The following EPC1 variants were observed in gnomAD, a reference collection of about 807,000 sequenced individuals.
EPC1 encodes enhancer of polycomb homolog 1.
A neutral mutation model predicts 98.4 loss-of-function variants in EPC1; 12 were observed. The ratio of observed to expected loss-of-function variants is 0.12; its 90% CI spans 0.08 to 0.20. The LOEUF is 0.20. EPC1 is among the 10% of genes least tolerant of loss of function. EPC1 has a pLI of 1.00. For synonymous variants in EPC1, 357 were observed against 363.9 expected, an observed-to-expected ratio of 0.98 and a Z score of 0.21; for missense variants, 729 against 990.5, an observed-to-expected ratio of 0.74 and a Z score of 3.54.
At chr10:32,282,202 C>G (rs937933178) in intron 10 of EPC1, 6 of 151,876 alleles carry the variant, frequency 4.0e-5, no homozygotes, top group African/African-American at 1.5e-4. Context: ...ATAATTAAGA[C>G]AACAGGAAAA....
intron 1 of EPC1, among the ~76,000 whole-genome samples, chr10:32,368,258 C>T (rs1839655729): frequency 1.3e-5 from 2 of 152,198 alleles, no homozygotes; most frequent in Non-Finnish European, 1.5e-5. Context: ...TTCTAGGTTC[C>T]CCAGCTTGGG....
intron 2 of EPC1, among the ~76,000 whole-genome samples, chr10:32,300,030 A>AG (rs9336622): frequency 0.9 from 136,129 of 151,972 alleles, 61,070 homozygotes; most frequent in East Asian, 1. Context: ...CTCCTGCCTC[A>AG]CCTCCTGAGT....
At chr10:32,355,607 CTTTTTTTTTTTTTTTTTTTTTTT>C (rs542748610) in intron 1 of EPC1, among the ~76,000 whole-genome samples, 4 of 72,846 alleles carry the variant, frequency 5.5e-5, no homozygotes, top group Non-Finnish European at 1.1e-4. Context: ...GTGCCTTACC[CTTTTTTTTTTTTTTTTTTTTTTT>C]TTTTTTTTTT....
intron 10 of EPC1, among the ~76,000 whole-genome samples, chr10:32,277,427 T>C (rs1436864273): frequency 6.6e-6 from 1 of 152,226 alleles, no homozygotes; most frequent in East Asian, 1.9e-4. Flanking sequence ...GTTCAATACA[T>C]AGACAAACTT....
chr10:32,297,279 A>C (rs912847050), intron 2 of EPC1, among the ~76,000 whole-genome samples: 2 of 122,278 alleles, frequency 1.6e-5, no homozygotes, highest in South Asian at 5.4e-4. Flanking sequence ...CAGGTTAATA[A>C]TTCTTTTTTT....
At chr10:32,305,312 C>G (rs1835811678) in intron 2 of EPC1, among the ~76,000 whole-genome samples, 1 of 152,212 alleles carries the variant, frequency 6.6e-6, no homozygotes, top group Non-Finnish European at 1.5e-5. Context: ...TTTTTCTATT[C>G]TCTTTAGCTG....
intron 2 of EPC1, among the ~76,000 whole-genome samples, chr10:32,300,697 G>A (rs894024409): frequency 3.9e-5 from 6 of 152,054 alleles, no homozygotes; most frequent in Admixed American, 6.5e-5. Flanking sequence ...GCCTCCCAAA[G>A]TACTGGGATT....
intron 6 of EPC1, among the ~76,000 whole-genome samples, chr10:32,288,951 T>C (rs1463110968): frequency 1.3e-5 from 2 of 151,798 alleles, no homozygotes; most frequent in African/African-American, 2.4e-5. Context: ...TAGCCAGGCG[T>C]GGTGGCATGC....
chr10:32,332,688 A>C (rs1374776041), intron 1 of EPC1, among the ~76,000 whole-genome samples: 1 of 152,208 alleles, frequency 6.6e-6, no homozygotes, highest in African/African-American at 2.4e-5. Flanking sequence ...GAACCACCCA[A>C]CAGATGTTGC....
chr10:32,275,376 G>A (rs1002177843), intron 10 of EPC1, among the ~76,000 whole-genome samples: 2 of 152,230 alleles, frequency 1.3e-5, no homozygotes, highest in East Asian at 1.9e-4. Context: ...GCGCACGCCT[G>A]TAATCCCAAC....
At chr10:32,355,641 T>C (rs1031428118) in intron 1 of EPC1, among the ~76,000 whole-genome samples, 8 of 70,470 alleles carry the variant, frequency 1.1e-4, no homozygotes, top group African/African-American at 2.7e-4. Flanking sequence ...TTTTTTTTTT[T>C]TGGGACAGAG....
chr10:32,311,312 C>CA (rs56251205), intron 1 of EPC1, among the ~76,000 whole-genome samples: 4 of 144,344 alleles, frequency 2.8e-5, no homozygotes, highest in African/African-American at 7.7e-5. Context: ...GACTCCGTCT[C>CA]AAAAAAAAAA....
rs777763611 is a variant in EPC1, at chr10:32,293,101, A to G, written c.553T>C (p.Cys185Arg). 9 of 1,613,172 alleles carry G rather than the reference A, an allele frequency of 5.6e-6. No individual in the cohort carries two copies. The highest frequency in any genetic ancestry group is 5.5e-5 in the South Asian group (5 of 91,014). ...YEYWIKKRKN[C>R]RGPSLIPSVK... ...GATGGAATAAGAGATGGCCCTCGAC[A>G]GTTTTTTCTCTTTTTAATCCAATAT... The change falls in exon 4 of 14, where the codon TGT (cysteine) becomes CGT (arginine). Residue 185 changes from cysteine to arginine, a missense_variant. Cys to Arg is a radical substitution (Grantham distance 180). Coordinates refer to ENST00000319778, the MANE Select transcript of EPC1 (RefSeq NM_001272004.3).
chr10:32,301,038 A>ATATTTATCTATG (rs71299736), intron 2 of EPC1, among the ~76,000 whole-genome samples: 2 of 143,008 alleles, frequency 1.4e-5, no homozygotes, highest in African/African-American at 5.4e-5. Context: ...AAGCACATTT[A>ATATTTATCTATG]TATCTATCTA....
chr10:32,357,851 A>ATTTT (rs58968767), intron 1 of EPC1, among the ~76,000 whole-genome samples: 30 of 124,576 alleles, frequency 2.4e-4, no homozygotes, highest in African/African-American at 6.8e-4. Context: ...TTCTCAATAA[A>ATTTT]TTTTTTTTTT....
chr10:32,342,732 C>T, intron 1 of EPC1, among the ~76,000 whole-genome samples: 1 of 152,164 alleles, frequency 6.6e-6, no homozygotes, highest in African/African-American at 2.4e-5. Flanking sequence ...GTTGCCACCC[C>T]CTCATAAATG....
intron 1 of EPC1, among the ~76,000 whole-genome samples, chr10:32,366,519 C>T (rs1392901210): frequency 5.9e-5 from 9 of 152,138 alleles, no homozygotes; most frequent in African/African-American, 1.7e-4. Context: ...TTAATGCTAA[C>T]CAGCTTAAGC....
At chr10:32,311,125 A>G (rs1836193232) in intron 1 of EPC1, among the ~76,000 whole-genome samples, 1 of 152,060 alleles carries the variant, frequency 6.6e-6, no homozygotes, top group South Asian at 2.1e-4. Context: ...CCTGGCTAAC[A>G]CGGTGAAACC....
intron 9 of EPC1, 73 bp from the exon 10 acceptor site, chr10:32,285,123 T>TTTA (rs1268025954): frequency 1.1e-5 from 14 of 1,247,692 alleles, no homozygotes; most frequent in African/African-American, 1.5e-5. Context: ...GCTTTTTCTT[T>TTTA]TTACCCCCAA....
Sources: allele counts gnomAD v4.1 joint callset (sites outside exome capture counted in the v4.1 genomes callset), GRCh38; gene constraint gnomAD v4.1.1; transcripts MANE v1.5; gene names NCBI Gene and HGNC (gene_info 2026-07-23, HGNC 2026-07-21).